EVL: variants seen among roughly 807,000 people sequenced by gnomAD.
EVL encodes ena/VASP-like protein.
Under a neutral mutation model 59.6 loss-of-function variants are expected in EVL, and 21 were observed. The ratio of observed to expected loss-of-function variants is 0.35; its 90% CI spans 0.25 to 0.51. The LOEUF (loss-of-function observed/expected upper bound fraction) is 0.51. Among genes scored for constraint, EVL ranks in the 20% least tolerant of loss-of-function variants. The pLI, the probability that EVL is intolerant of heterozygous loss-of-function variation, is 0.97. For missense variants in EVL, 462 were observed against 546.6 expected (o/e 0.85, Z 1.54); for synonymous variants, 198 against 203.5 (o/e 0.97, Z 0.23).
chr14:100,048,100 TAAAAG>T (rs2061584020), intron 1 of EVL, among the ~76,000 whole-genome samples: 1 of 152,116 alleles, frequency 6.6e-6, no homozygotes, highest in South Asian at 2.1e-4. Flanking sequence ...GCACCATCCA[TAAAAG>T]AAAAAGGATA....
chr14:100,141,124 A>C, intron 11 of EVL, 56 bp from the exon 12 acceptor site: 1 of 1,583,442 alleles, frequency 6.3e-7, no homozygotes, highest in Non-Finnish European at 8.6e-7. Context: ...CTGCACAGCC[A>C]GCTTTCCCCC....
intron 1 of EVL, among the ~76,000 whole-genome samples, chr14:100,021,714 C>T (rs2061127739): frequency 6.6e-6 from 1 of 152,180 alleles, no homozygotes; most frequent in African/African-American, 2.4e-5. Flanking sequence ...AACAACTTCC[C>T]AGGTGAGTCT....
chr14:100,100,568 C>T lies in EVL; in HGVS notation c.358+2910C>T, dbSNP rs866604759. Among the ~76,000 whole-genome samples the T allele has an allele frequency of 1.8e-4, 28 of 152,102 alleles. 1 individual carries two copies. Among genetic ancestry groups the T allele is most frequent in the South Asian group, 4.2e-4 (2 of 4,798 alleles). On this transcript the variant is annotated intron_variant, in intron 3 of 13. Coordinates refer to ENST00000392920, the MANE Select transcript of EVL (RefSeq NM_016337.3). ...CAGTCCCTGCACTTAAGAATAGATA[C>T]GAAGTCCACTTTTGTTTTTGTTTTT...
At chr14:100,087,123 A>G (rs1260925463) in intron 2 of EVL, among the ~76,000 whole-genome samples, 3 of 152,218 alleles carry the variant, frequency 2.0e-5, no homozygotes, top group African/African-American at 4.8e-5. Flanking sequence ...TTTCATGTCT[A>G]TTATTTCATT....
intron 2 of EVL, 50 bp from the exon 3 acceptor site, chr14:100,097,431 C>T: frequency 6.5e-7 from 1 of 1,541,730 alleles, no homozygotes; most frequent in African/African-American, 1.4e-5. Flanking sequence ...CCCTCGAGCT[C>T]ACTTACATTT....
chr14:100,137,480 G>A (rs994643360), intron 9 of EVL, 98 bp from the exon 10 acceptor site: 3 of 1,301,646 alleles, frequency 2.3e-6, no homozygotes, highest in Non-Finnish European at 2.2e-6. Flanking sequence ...TGCACCCTTG[G>A]CATGGGTGAG....
chr14:100,041,330 A>G (rs2061464428), intron 1 of EVL, among the ~76,000 whole-genome samples: 1 of 152,234 alleles, frequency 6.6e-6, no homozygotes, highest in Non-Finnish European at 1.5e-5. Context: ...CTTTTAATAC[A>G]GTAATTGTAA....
At chr14:100,023,371 ATTTT>A (rs1010647617) in intron 1 of EVL, among the ~76,000 whole-genome samples, 1 of 90,770 alleles carries the variant, frequency 1.1e-5, no homozygotes. Flanking sequence ...AGCCCGGCTA[ATTTT>A]TTTTTTTTTT....
At chr14:99,980,307 C>T (rs1051403007) in intron 1 of EVL, among the ~76,000 whole-genome samples, 1 of 152,212 alleles carries the variant, frequency 6.6e-6, no homozygotes, top group Non-Finnish European at 1.5e-5. Flanking sequence ...GCAACATTTT[C>T]TGGGTTGGAC....
chr14:100,028,137 T>TTTG (rs1555413985), intron 1 of EVL, among the ~76,000 whole-genome samples: 2 of 130,956 alleles, frequency 1.5e-5, no homozygotes, highest in African/African-American at 5.9e-5. Context: ...TTTGTTTGTT[T>TTTG]TTTTTTTTTT....
chr14:100,112,367 G>A (rs1887055095), intron 3 of EVL, among the ~76,000 whole-genome samples: 1 of 152,130 alleles, frequency 6.6e-6, no homozygotes, highest in Admixed American at 6.5e-5. Context: ...CCTGCATTTA[G>A]CCCACTCTGA....
intron 2 of EVL, among the ~76,000 whole-genome samples, chr14:100,092,290 A>G (rs2062581575): frequency 6.6e-6 from 1 of 152,212 alleles, no homozygotes. Context: ...TTTTTCTTAT[A>G]TCCTTACAAG....
chr14:100,116,703 T>C (rs1464347989), intron 3 of EVL, among the ~76,000 whole-genome samples: 1 of 152,230 alleles, frequency 6.6e-6, no homozygotes, highest in African/African-American at 2.4e-5. Context: ...TTCTCCTCCG[T>C]AGGGTCTCTT....
rs184875440 is a variant in EVL, at chr14:100,108,877, G to C, written c.358+11219G>C. On this transcript the variant is annotated intron_variant, in intron 3 of 13. Coordinates refer to ENST00000392920, the MANE Select transcript of EVL (RefSeq NM_016337.3). This position sits in a 1 kb window ranked among gnomAD's most constrained non-coding sequence, Gnocchi z 4.1. Reference sequence around the variant, plus strand: ...ATTCCCACTGCATGAATCTAGTCAGGTTGGAAATTCAGAAAGTGGCCTCTT... The same window carrying C: ...ATTCCCACTGCATGAATCTAGTCAGCTTGGAAATTCAGAAAGTGGCCTCTT... Among the ~76,000 whole-genome samples the C allele has an allele frequency of 2.8e-3, 431 of 152,274 alleles. 3 individuals carry two copies. Among genetic ancestry groups the C allele is most frequent in the African/African-American group, 0.01 (428 of 41,544 alleles).
intron 1 of EVL, among the ~76,000 whole-genome samples, chr14:100,007,520 A>C (rs969281020): frequency 2.6e-5 from 4 of 152,144 alleles, no homozygotes; most frequent in African/African-American, 7.2e-5. Context: ...TCTCTTATCT[A>C]CTCACATCAT....
rs138331034 is a variant in EVL at position 100,019,633 on chromosome 14, C to T, written c.5+47576C>T. ...GTCCTCCATACCAAAAAGACTACCACACAATCTAAGGAAATTGTCTCTGAC... is the reference window on the plus strand; with the variant it reads ...GTCCTCCATACCAAAAAGACTACCATACAATCTAAGGAAATTGTCTCTGAC... On this transcript the variant is annotated intron_variant, in intron 1 of 13. Transcript: ENST00000402714. 4,683 of 1,528,910 alleles carry T rather than the reference C, an allele frequency of 3.1e-3. 61 individuals are homozygous for T. Among genetic ancestry groups the T allele is most frequent in the Non-Finnish European group, 2.1e-3 (2,418 of 1,143,564 alleles). 94.7% of individuals were successfully genotyped at this position (1,528,910 alleles called of 1,614,324 possible). A position where few individuals can be genotyped will look rare whatever the true frequency, so the allele number is the denominator to read the frequency against.
intron 7 of EVL, 71 bp downstream of exon 7, chr14:100,129,755 C>T (rs1888314604): frequency 2.8e-6 from 4 of 1,450,742 alleles, no homozygotes; most frequent in Non-Finnish European, 3.6e-6. Context: ...CAGCGCTGCA[C>T]AGAGAATCCT....
intron 1 of EVL, among the ~76,000 whole-genome samples, chr14:100,006,016 C>A (rs7156162): frequency 2.7e-5 from 4 of 149,676 alleles, no homozygotes; most frequent in African/African-American, 4.9e-5. Context: ...ATTTCCCCCC[C>A]CCCCCCCACA....
chr14:100,056,210 TC>T (rs991551837), intron 1 of EVL, among the ~76,000 whole-genome samples: 33 of 151,548 alleles, frequency 2.2e-4, no homozygotes, highest in African/African-American at 7.3e-4. Context: ...TGTCATTTCA[TC>T]TTTTTTTTAA....
Sources: allele counts gnomAD v4.1 joint callset (sites outside exome capture counted in the v4.1 genomes callset), GRCh38; gene constraint gnomAD v4.1.1; non-coding constraint Gnocchi (gnomAD v3.1); transcripts MANE v1.5; gene names NCBI Gene and HGNC (gene_info 2026-07-23, HGNC 2026-07-21).